The following PCDHGA10 variants were observed in gnomAD, a reference collection of about 807,000 sequenced individuals.
The protein encoded by PCDHGA10 is protocadherin gamma subfamily A, 10.
In PCDHGA10, 42 loss-of-function variants were observed where a neutral mutation model predicts 59.5. That is an observed-to-expected ratio of 0.71 (90% CI 0.55 to 0.91). The LOEUF is 0.91. Among genes scored for constraint, PCDHGA10 ranks in the 40% least tolerant of loss-of-function variants. The pLI is 0.00. For missense variants in PCDHGA10, 1,111 were observed against 1,198.2 expected (o/e 0.93, Z 1.07); for synonymous variants, 511 against 517.2 (o/e 0.99, Z 0.16).
At chr5:141,419,049 C>T in intron 1 of PCDHGA10, 6 of 1,613,954 alleles carry the variant, frequency 3.7e-6, no homozygotes, top group Non-Finnish European at 5.1e-6. Flanking sequence ...ATTCATTCTT[C>T]TTCTAATAAT....
intron 1 of PCDHGA10, among the ~76,000 whole-genome samples, chr5:141,457,827 C>T (rs1300495115): frequency 2.0e-5 from 3 of 152,204 alleles, no homozygotes; most frequent in Admixed American, 6.5e-5. Context: ...AAACTCAGAG[C>T]TTCCAGACCT....
rs752392369 is a variant in PCDHGA10 at position 141,422,109 on chromosome 5, A to G, written c.2436+6498A>G. ...AAAGCAAGGCTTCTGAAATATTCCA[A>G]TTGGATTCACAAACTGGAGAAGTTC... On this transcript the variant is annotated intron_variant, in intron 1 of 3. Coordinates refer to ENST00000398610, the MANE Select transcript of PCDHGA10 (RefSeq NM_018913.3). 6 of 1,606,850 alleles carry G rather than the reference A, an allele frequency of 3.7e-6. No homozygotes were observed. The African/African-American group carries it at 4.0e-5, about 11-fold the overall frequency.
intron 1 of PCDHGA10, among the ~76,000 whole-genome samples, chr5:141,460,447 A>G (rs1202218653): frequency 6.6e-6 from 1 of 152,170 alleles, no homozygotes; most frequent in Non-Finnish European, 1.5e-5. Context: ...GTAACAATGA[A>G]GATTCATATT....
At chr5:141,422,849 C>T in intron 1 of PCDHGA10, 1 of 1,614,238 alleles carries the variant, frequency 6.2e-7, no homozygotes, top group Non-Finnish European at 8.5e-7. Context: ...AGCGGGGACC[C>T]GCCCCTCAGC....
chr5:141,444,406 G>A (rs1296878411), intron 1 of PCDHGA10, among the ~76,000 whole-genome samples: 1 of 151,874 alleles, frequency 6.6e-6, no homozygotes, highest in Non-Finnish European at 1.5e-5. Context: ...CCCAACCTCA[G>A]GTGATCTTCC....
intron 1 of PCDHGA10, chr5:141,430,662 C>A: frequency 8.6e-7 from 1 of 1,169,068 alleles, no homozygotes; most frequent in Non-Finnish European, 1.2e-6. Context: ...AACGGAGGAG[C>A]TCTGACTTCC....
intron 3 of PCDHGA10, among the ~76,000 whole-genome samples, chr5:141,510,034 T>A (rs2099879281): frequency 6.6e-6 from 1 of 152,156 alleles, no homozygotes; most frequent in Non-Finnish European, 1.5e-5. Flanking sequence ...TGGGCTGTTA[T>A]GTAGAGGTTA....
intron 1 of PCDHGA10, chr5:141,423,477 C>T (rs376147466): frequency 1.5e-5 from 24 of 1,613,872 alleles, no homozygotes; most frequent in Non-Finnish European, 1.9e-5. Flanking sequence ...TACAGGCTTT[C>T]CTGCAAACCT....
Position 141,491,994 on chromosome 5 carries a change from C to T in PCDHGA10, c.2437-2813C>T. On this transcript the variant is annotated intron_variant, in intron 1 of 3. Transcript: ENST00000398610. This position sits in a 1 kb window ranked among gnomAD's most constrained non-coding sequence, Gnocchi z 6.9. ...CCTCCTTCGAGCTTCCGGTGAATTT[C>T]GGGCGATTTCCGCGGGTGTCGGGGG... The T allele has an allele frequency of 4.3e-6, 3 of 693,016 alleles. No individual in the cohort carries two copies. The allele number at this position is 693,016 out of a possible 1,614,324, so 42.9% of individuals were successfully genotyped here.
intron 1 of PCDHGA10, chr5:141,423,658 CA>C: frequency 6.4e-7 from 1 of 1,571,150 alleles, no homozygotes; most frequent in Non-Finnish European, 8.6e-7. Flanking sequence ...GACAAGTAAT[CA>C]GGTGAGATTT....
In PCDHGA10 at chr5:141,419,577, C is replaced by A. The variant is rs1182305164; in HGVS notation, c.2436+3966C>A. ...CCTGCGCTGGGTCCCGACGGCTCCG[C>A]GCTCTTCGACACAGTGCCGCGGGCC... On this transcript the variant is annotated intron_variant, in intron 1 of 3. Coordinates refer to ENST00000398610, the MANE Select transcript of PCDHGA10 (RefSeq NM_018913.3). 3.1e-6 allele frequency: 5 copies of A among 1,611,732 alleles called. No individual in the cohort carries two copies. The South Asian group carries it at 5.5e-5, about 18-fold the overall frequency.
rs374229757 is a variant in PCDHGA10, at chr5:141,491,437, C to T, written c.2437-3370C>T. 4 of 1,613,978 alleles carry T rather than the reference C, an allele frequency of 2.5e-6. No homozygotes were observed. Among genetic ancestry groups the T allele is most frequent in the Admixed American group, 3.3e-5 (2 of 60,004 alleles). ...CGGGGGTGGAGGGCAGTGCTGCAGG[C>T]GCCAGGACTCACCCTCCCCGGACTT... On this transcript the variant is annotated intron_variant, in intron 1 of 3. Coordinates refer to ENST00000398610, the MANE Select transcript of PCDHGA10 (RefSeq NM_018913.3). This position sits in a 1 kb window ranked among gnomAD's most constrained non-coding sequence, Gnocchi z 6.9.
chr5:141,485,070 G>A lies in PCDHGA10; in HGVS notation c.2437-9737G>A. On this transcript the variant is annotated intron_variant, in intron 1 of 3. Coordinates refer to ENST00000398610, the MANE Select transcript of PCDHGA10 (RefSeq NM_018913.3). The surrounding 1 kb of genome is among the most constrained non-coding windows in gnomAD (Gnocchi z 5.7). ...CGCCGGCCGAACCGCGCCAGAGCTG[G>A]CGCGGGGAAAGGGAGATAGGTGTCT... is the stretch of plus-strand genomic sequence containing the variant. The A allele has an allele frequency of 1.1e-6, 1 of 908,406 alleles. No individual in the cohort carries two copies. Among genetic ancestry groups the A allele is most frequent in the Non-Finnish European group, 1.7e-6 (1 of 580,008 alleles). 56.3% of individuals were successfully genotyped at this position (908,406 alleles called of 1,614,324 possible). A position where few individuals can be genotyped will look rare whatever the true frequency, so the allele number is the denominator to read the frequency against.
At position 141,491,679 on chromosome 5, in the gene PCDHGA10, T is replaced by C. The variant is rs111288145; in HGVS notation, c.2437-3128T>C. On this transcript the variant is annotated intron_variant, in intron 1 of 3. Coordinates refer to ENST00000398610, the MANE Select transcript of PCDHGA10 (RefSeq NM_018913.3). This position sits in a 1 kb window ranked among gnomAD's most constrained non-coding sequence, Gnocchi z 6.9. ...CTGACGCCATCCGGTCCCGCTCTAA[T>C]ACGCTGCGGGAGCGGAGCCAGGTGA... is the stretch of plus-strand genomic sequence containing the variant. 21 of 1,613,378 alleles carry C rather than the reference T, an allele frequency of 1.3e-5. No homozygotes were observed. Among genetic ancestry groups the C allele is most frequent in the Middle Eastern group, 1.6e-4 (1 of 6,078 alleles).
Position 141,511,380 on chromosome 5 carries a change from C to G in PCDHGA10, c.*207C>G. The G allele has an allele frequency of 7.7e-6, 9 of 1,170,490 alleles. No individual in the cohort carries two copies. The highest frequency in any genetic ancestry group is 1.1e-5 in the Non-Finnish European group (9 of 854,564). 72.5% of individuals were successfully genotyped at this position (1,170,490 alleles called of 1,614,324 possible). A position where few individuals can be genotyped will look rare whatever the true frequency, so the allele number is the denominator to read the frequency against. On this transcript the variant is annotated 3_prime_UTR_variant, in exon 4 of 4. Transcript: ENST00000398610. ...GGGGTTGAATATGCAAAAGCAGTTC[C>G]GCTGGGAACCCCCATCCAATCAACT...
intron 1 of PCDHGA10, among the ~76,000 whole-genome samples, chr5:141,445,751 G>T (rs1211416281): frequency 2.0e-5 from 3 of 152,102 alleles, no homozygotes; most frequent in Non-Finnish European, 4.4e-5. Context: ...AAAAATAAAA[G>T]GTGTGACTCA....
At chr5:141,428,145 A>T (rs748256830) in intron 1 of PCDHGA10, 11 of 1,592,456 alleles carry the variant, frequency 6.9e-6, no homozygotes, top group Non-Finnish European at 8.6e-7. Flanking sequence ...GGGGCTGCAC[A>T]CGGGAACCTG....
intron 2 of PCDHGA10, among the ~76,000 whole-genome samples, chr5:141,496,353 C>T (rs761547879): frequency 4.6e-5 from 7 of 152,210 alleles, no homozygotes; most frequent in Non-Finnish European, 8.8e-5. Context: ...AGTCTCAGAG[C>T]CCAGGGAGAG....
Position 141,487,226 on chromosome 5 carries a change from G to A in PCDHGA10, c.2437-7581G>A. ...TCGAGAATCTTCAGCTCCAAGGGAA[G>A]GAGAATCTCGTCTAACCCTCTACTT... is the stretch of plus-strand genomic sequence containing the variant. On this transcript the variant is annotated intron_variant, in intron 1 of 3. Transcript: ENST00000398610. This position sits in a 1 kb window ranked among gnomAD's most constrained non-coding sequence, Gnocchi z 5.0. The A allele has an allele frequency of 6.2e-7, 1 of 1,614,104 alleles. No individual in the cohort carries two copies. Among genetic ancestry groups the A allele is most frequent in the South Asian group, 1.1e-5 (1 of 91,074 alleles).
Sources: gnomAD v4.1 joint callset for allele counts (sites outside exome capture counted in the v4.1 genomes callset) on GRCh38, gnomAD v4.1.1 for gene constraint, Gnocchi (gnomAD v3.1) non-coding constraint, MANE v1.5 for transcripts, NCBI Gene and HGNC (gene_info 2026-07-23, HGNC 2026-07-21) for gene names.